Variants in EMC2 observed in about 807,000 individuals in gnomAD.
EMC2 encodes TPR repeat protein 35.
In EMC2, 37 loss-of-function variants were observed where a neutral mutation model predicts 51.6. That is an observed-to-expected ratio of 0.72 (90% CI 0.55 to 0.94). The LOEUF (loss-of-function observed/expected upper bound fraction) is 0.94, where lower values mean the gene tolerates loss of function less well. EMC2 is among the 40% of genes least tolerant of loss of function. EMC2 has a pLI of 0.00. For synonymous variants in EMC2, 131 were observed against 112.4 expected (o/e 1.17, Z -1.04); for missense variants, 359 against 350.9 (o/e 1.02, Z -0.18).
intron 3 of EMC2, among the ~76,000 whole-genome samples, chr8:108,452,263 T>C (rs2130341286): frequency 6.6e-6 from 1 of 152,264 alleles, no homozygotes; most frequent in Middle Eastern, 3.4e-3. Context: ...TCAGGATATG[T>C]TGATTGAAAG....
Position 108,449,115 on chromosome 8 carries a change from CT to C in EMC2, c.41-703del, listed in dbSNP as rs1818951088. Among the ~76,000 whole-genome samples, 4 of 152,050 alleles carry C rather than the reference CT, an allele frequency of 2.6e-5. No homozygotes were observed. In the South Asian group the frequency reaches 8.3e-4, roughly 31 times the overall value. On this transcript the variant is annotated intron_variant, in intron 1 of 10. Transcript: ENST00000220853. Reference sequence around the variant, plus strand: ...ACTTTGTTATATGCCTGTTGAACTCCTTTTTCAACCTTTAAGAGACAGGGGT... The same window carrying C: ...ACTTTGTTATATGCCTGTTGAACTCCTTTTCAACCTTTAAGAGACAGGGGT...
rs1419105261 is a variant in EMC2, at chr8:108,487,385, A to G, written c.*787A>G. On this transcript the variant is annotated 3_prime_UTR_variant, in exon 11 of 11. Coordinates refer to ENST00000220853, the MANE Select transcript of EMC2 (RefSeq NM_014673.5). ...GTAGTTATTTTTAATTTTGAAAAAA[A>G]TAAGAAAATTAAAACTATCCTTAGA... Among the ~76,000 whole-genome samples, 2 of 152,036 alleles carry G rather than the reference A, an allele frequency of 1.3e-5. No individual in the cohort carries two copies. Among genetic ancestry groups the G allele is most frequent in the African/African-American group, 2.4e-5 (1 of 41,452 alleles).
chr8:108,443,758 T>G, intron 1 of EMC2, 60 bp downstream of exon 1: 1 of 1,444,490 alleles, frequency 6.9e-7, no homozygotes, highest in Non-Finnish European at 9.6e-7. Context: ...CGTTCGGGAG[T>G]ACCCGCTGCT....
chr8:108,477,388 G>C (rs949711011), intron 9 of EMC2, among the ~76,000 whole-genome samples: 1 of 151,988 alleles, frequency 6.6e-6, no homozygotes, highest in Non-Finnish European at 1.5e-5. Context: ...CAAATGCTGA[G>C]CTTAGAAAAG....
chr8:108,476,961 TTCAA>T, intron 9 of EMC2, 69 bp downstream of exon 9: 2 of 752,138 alleles, frequency 2.7e-6, no homozygotes, highest in Non-Finnish European at 4.8e-6. Context: ...AACTATCCCC[TTCAA>T]TCACTCCTCT....
At chr8:108,479,808 G>A (rs1241866056) in intron 10 of EMC2, among the ~76,000 whole-genome samples, 2 of 151,990 alleles carry the variant, frequency 1.3e-5, no homozygotes, top group Non-Finnish European at 2.9e-5. Flanking sequence ...TATTGCCCAG[G>A]CTGGCCATGA....
rs993342584 is a variant in EMC2, at chr8:108,486,682, G to A, written c.*84G>A. Reference sequence around the variant, plus strand: ...GTAACTTATTTACTAAATGCTCAGTGCTATTTATATACTACAGTAATTTTC... The same window carrying A: ...GTAACTTATTTACTAAATGCTCAGTACTATTTATATACTACAGTAATTTTC... On this transcript the variant is annotated 3_prime_UTR_variant, in exon 11 of 11. Transcript: ENST00000220853. 2.2e-6 allele frequency: 3 copies of A among 1,351,346 alleles called. No homozygotes were observed. Among genetic ancestry groups the A allele is most frequent in the South Asian group, 3.0e-5 (2 of 65,946 alleles). The allele number at this position is 1,351,346 out of a possible 1,614,324, so 83.7% of individuals were successfully genotyped here. A position where few individuals can be genotyped will look rare whatever the true frequency, so the allele number is the denominator to read the frequency against.
chr8:108,458,480 A>G (rs1285095492), intron 5 of EMC2, among the ~76,000 whole-genome samples: 1 of 152,212 alleles, frequency 6.6e-6, no homozygotes, highest in Non-Finnish European at 1.5e-5. Flanking sequence ...TGAAATCTAG[A>G]CAGGGGTTCC....
At chr8:108,458,199 C>T (rs1461453866) in intron 5 of EMC2, among the ~76,000 whole-genome samples, 2 of 152,208 alleles carry the variant, frequency 1.3e-5, no homozygotes, top group African/African-American at 4.8e-5. Flanking sequence ...TTGCAGGGTA[C>T]ATCCTCTGGA....
At position 108,468,566 on chromosome 8, in the gene EMC2, C is replaced by G. The variant is rs533891489; in HGVS notation, c.364-1260C>G. Among the ~76,000 whole-genome samples, 19 of 151,954 alleles carry G rather than the reference C, an allele frequency of 1.3e-4. 1 individual carries two copies. Among genetic ancestry groups the G allele is most frequent in the African/African-American group, 4.6e-4 (19 of 41,438 alleles). On this transcript the variant is annotated intron_variant, in intron 5 of 10. Transcript: ENST00000220853. ...ATTGCTCTGACCCTTATTTATTAGT[C>G]TCTTGATTTCTCTAAACTTTCACTT...
chr8:108,484,604 T>C (rs1476712507), intron 10 of EMC2, among the ~76,000 whole-genome samples: 1 of 152,006 alleles, frequency 6.6e-6, no homozygotes, highest in African/African-American at 2.4e-5. Context: ...TACTTTGCTA[T>C]TTAAAAGCAA....
intron 8 of EMC2, among the ~76,000 whole-genome samples, chr8:108,476,389 C>T (rs1181106753): frequency 6.6e-6 from 1 of 151,812 alleles, no homozygotes; most frequent in Non-Finnish European, 1.5e-5. Flanking sequence ...AGAAGGACTT[C>T]ATTATTAAAG....
intron 1 of EMC2, among the ~76,000 whole-genome samples, chr8:108,449,343 G>A (rs1323880807): frequency 1.3e-5 from 2 of 151,452 alleles, no homozygotes; most frequent in Non-Finnish European, 2.9e-5. Context: ...GCACGATCTC[G>A]GCTCACGCAA....
chr8:108,472,454 A>T (rs1000302681), intron 7 of EMC2, among the ~76,000 whole-genome samples: 1 of 151,558 alleles, frequency 6.6e-6, no homozygotes, highest in African/African-American at 2.4e-5. Flanking sequence ...TTTAGAGAAA[A>T]TGATAATTAT....
At chr8:108,464,361 A>G (rs1399281671) in intron 5 of EMC2, among the ~76,000 whole-genome samples, 1 of 152,154 alleles carries the variant, frequency 6.6e-6, no homozygotes, top group Non-Finnish European at 1.5e-5. Context: ...ACTCTGGCCA[A>G]CTCTGGCCAT....
chr8:108,443,960 TA>T (rs1818814960), intron 1 of EMC2, among the ~76,000 whole-genome samples: 1 of 152,052 alleles, frequency 6.6e-6, no homozygotes, highest in South Asian at 2.1e-4. Context: ...CGCTTTTATT[TA>T]TGAGGCGGGC....
intron 7 of EMC2, among the ~76,000 whole-genome samples, chr8:108,470,669 T>C (rs1429472689): frequency 2.0e-5 from 3 of 152,132 alleles, no homozygotes; most frequent in African/African-American, 7.2e-5. Flanking sequence ...TTTGTTAGCT[T>C]TTTTATTGCT....
chr8:108,461,428 G>T (rs1819316667), intron 5 of EMC2, among the ~76,000 whole-genome samples: 1 of 152,182 alleles, frequency 6.6e-6, no homozygotes, highest in Non-Finnish European at 1.5e-5. Context: ...ACATGCTGTA[G>T]ACTTTGAAAC....
At chr8:108,449,797 C>G in intron 1 of EMC2, 26 bp from the exon 2 acceptor site, 2 of 1,104,604 alleles carry the variant, frequency 1.8e-6, no homozygotes, top group Non-Finnish European at 2.8e-6. Flanking sequence ...TACATATACA[C>G]TTAAATGTCA....
Sources: gnomAD v4.1 joint callset for allele counts (sites outside exome capture counted in the v4.1 genomes callset) on GRCh38, gnomAD v4.1.1 for gene constraint, MANE v1.5 for transcripts, NCBI Gene and HGNC (gene_info 2026-07-23, HGNC 2026-07-21) for gene names.